Variants in AP2A1 observed in about 807,000 individuals in gnomAD.
The protein encoded by AP2A1 is AP-2 complex subunit alpha-1.
A neutral mutation model predicts 107.3 loss-of-function variants in AP2A1; 21 were observed. The observed-to-expected ratio is 0.20, with a 90% CI of 0.14 to 0.28. AP2A1 has a LOEUF of 0.28. AP2A1 is among the 10% of genes least tolerant of loss of function. AP2A1 has a pLI of 1.00. For missense variants in AP2A1, 873 were observed against 1,307.7 expected (o/e 0.67, Z 5.13); for synonymous variants, 602 against 564.8 (o/e 1.07, Z -0.93).
At chr19:49,781,134 C>G (rs1336948948) in intron 1 of AP2A1, among the ~76,000 whole-genome samples, 1 of 152,074 alleles carries the variant, frequency 6.6e-6, no homozygotes, top group African/African-American at 2.4e-5. Flanking sequence ...TGTGCTTATT[C>G]CACAAGCAGG....
At chr19:49,796,105 C>A in intron 7 of AP2A1, 1 of 250,360 alleles carries the variant, frequency 4.0e-6, no homozygotes, top group Non-Finnish European at 7.9e-6. Context: ...GATTCCAGGC[C>A]GTGCTACCTG....
chr19:49,802,645 G>A (rs1312000220), intron 15 of AP2A1: 2 of 1,494,168 alleles, frequency 1.3e-6, no homozygotes, highest in African/African-American at 1.4e-5. Flanking sequence ...GGGCGGACTC[G>A]GGTGTCCCCA....
intron 6 of AP2A1, 53 bp downstream of exon 6, chr19:49,793,145 C>T (rs2073168045): frequency 1.4e-6 from 2 of 1,468,744 alleles, no homozygotes; most frequent in East Asian, 2.4e-5. Context: ...ATCCCTATGC[C>T]CTCTGACACC....
At chr19:49,800,271 C>G in intron 11 of AP2A1, 121 bp downstream of exon 11, 2 of 1,246,580 alleles carry the variant, frequency 1.6e-6, no homozygotes, top group Admixed American at 4.9e-5. Context: ...ACTGCCGTGA[C>G]CTCAAAATGG....
rs1342532873 is a variant in AP2A1 at position 49,767,193 on chromosome 19, C to G, written c.60C>G (p.Ile20Met). ...MRGLAVFISD[I>M]RNCKSKEAEI... is the part of the protein sequence containing the mutation. ...GGCTCGCGGTGTTCATCTCCGACAT[C>G]CGGAACTGTGAGCGCGCGGCCGGGG... is the stretch of plus-strand genomic sequence containing the variant. The change falls in exon 1 of 23, where the codon ATC becomes ATG. Residue 20 changes from isoleucine to methionine, a missense_variant. Physicochemically the swap from Ile to Met is conservative, Grantham distance 10 (BLOSUM62 1). Around this residue, in one of 4 missense-constraint regions of AP2A1, gnomAD observed 87 missense variants for 178.2 expected, o/e 0.49. Coordinates refer to ENST00000354293, the MANE Select transcript of AP2A1 (RefSeq NM_130787.3). The G allele has an allele frequency of 1.2e-6, 2 of 1,611,888 alleles. No homozygotes were observed. Among genetic ancestry groups the G allele is most frequent in the Non-Finnish European group, 1.7e-6 (2 of 1,179,724 alleles).
chr19:49,782,867 T>A (rs1335597779), intron 4 of AP2A1, 143 bp downstream of exon 4: 13 of 994,758 alleles, frequency 1.3e-5, no homozygotes, highest in African/African-American at 3.3e-5. Flanking sequence ...ACCCAGTGGT[T>A]CCGGTGGCAG....
chr19:49,796,301 A>G (rs1478013354), intron 7 of AP2A1: 1 of 152,476 alleles, frequency 6.6e-6, no homozygotes, highest in African/African-American at 2.4e-5. Flanking sequence ...AGGGAAACTG[A>G]GGCTTGGAGG....
At chr19:49,768,534 C>T (rs1461103565) in intron 1 of AP2A1, among the ~76,000 whole-genome samples, 5 of 152,104 alleles carry the variant, frequency 3.3e-5, no homozygotes, top group African/African-American at 9.7e-5. Flanking sequence ...GTTTTTACTC[C>T]GTTGGCTCTG....
intron 1 of AP2A1, among the ~76,000 whole-genome samples, chr19:49,774,087 G>C (rs1261870882): frequency 1.3e-5 from 2 of 152,210 alleles, no homozygotes; most frequent in Non-Finnish European, 2.9e-5. Flanking sequence ...TGGCCTCTGT[G>C]AAGAGCACAG....
intron 4 of AP2A1, among the ~76,000 whole-genome samples, chr19:49,790,716 T>A (rs2073131388): frequency 6.6e-6 from 1 of 152,214 alleles, no homozygotes; most frequent in African/African-American, 2.4e-5. Context: ...GTGAATATAT[T>A]CCCTTGGATT....
In AP2A1 at chr19:49,801,799, G is replaced by T; in HGVS notation, c.1863G>T (p.Gly621=). ...SILAKLKRKK[G]PGAGSALDDG... Reference sequence around the variant, plus strand: ...TGGCCAAGCTGAAACGCAAGAAGGGGCCAGGGGCCGGCAGCGCCCTGGACG... The same window carrying T: ...TGGCCAAGCTGAAACGCAAGAAGGGTCCAGGGGCCGGCAGCGCCCTGGACG... Residue 621 remains glycine (G), a synonymous_variant, in exon 14 of 23, where the codon GGG becomes GGT. Coordinates refer to ENST00000354293, the MANE Select transcript of AP2A1 (RefSeq NM_130787.3). 6.4e-7 allele frequency: 1 copy of T among 1,560,534 alleles called. No individual in the cohort carries two copies. The highest frequency in any genetic ancestry group is 1.4e-5 in the African/African-American group (1 of 73,814).
intron 15 of AP2A1, 185 bp downstream of exon 15, chr19:49,802,326 C>T (rs1172519873): frequency 2.4e-6 from 2 of 823,452 alleles, no homozygotes; most frequent in Non-Finnish European, 4.0e-6. Flanking sequence ...CGCCCTCCCT[C>T]TGCCACTCTG....
intron 4 of AP2A1, among the ~76,000 whole-genome samples, chr19:49,786,903 C>T (rs2084743873): frequency 6.6e-6 from 1 of 152,184 alleles, no homozygotes; most frequent in South Asian, 2.1e-4. Context: ...GTCAAGGGGC[C>T]AGGGTGGGGC....
intron 17 of AP2A1, 31 bp from the exon 18 acceptor site, chr19:49,803,256 G>T: frequency 1.2e-6 from 2 of 1,613,134 alleles, no homozygotes; most frequent in South Asian, 1.1e-5. Context: ...GAGGGACTCA[G>T]ATGGAGCTCT....
At chr19:49,806,007 A>T in intron 21 of AP2A1, 66 bp downstream of exon 21, 1 of 1,612,366 alleles carries the variant, frequency 6.2e-7, no homozygotes, top group Middle Eastern at 1.7e-4. Context: ...CTGTTTTCCC[A>T]TCTGTAAAGT....
At chr19:49,768,771 G>C (rs543824911) in intron 1 of AP2A1, among the ~76,000 whole-genome samples, 2 of 152,142 alleles carry the variant, frequency 1.3e-5, no homozygotes, top group Admixed American at 1.3e-4. Flanking sequence ...TACCCACCAG[G>C]GATGTGACCC....
At chr19:49,779,509 A>C (rs1435712546) in intron 1 of AP2A1, among the ~76,000 whole-genome samples, 1 of 151,276 alleles carries the variant, frequency 6.6e-6, no homozygotes, top group Non-Finnish European at 1.5e-5. Flanking sequence ...AAAAAAAAAA[A>C]AACAGAAACA....
chr19:49,801,725 A>G lies in AP2A1; in HGVS notation c.1789A>G (p.Thr597Ala). 7.0e-7 allele frequency: 1 copy of G among 1,428,676 alleles called. No homozygotes were observed. The highest frequency in any genetic ancestry group is 1.2e-5 in the South Asian group (1 of 82,432). 88.5% of individuals were successfully genotyped at this position (1,428,676 alleles called of 1,614,324 possible). ...TTCCCCACCCCGACCGCGCCAGGCC[A>G]CGGTGCTGGAGGAGATGCCGCCCTT... ...SSVASTDVLA[T>A]VLEEMPPFPE... Residue 597 changes from threonine to alanine, a missense_variant, in exon 14 of 23, where the codon ACG (threonine) becomes GCG (alanine). Thr to Ala is a moderately conservative substitution (Grantham distance 58). This residue lies in a region of AP2A1 where 213 missense variants were observed against 443.5 expected (regional missense o/e 0.48). Transcript: ENST00000354293.
intron 1 of AP2A1, among the ~76,000 whole-genome samples, chr19:49,781,541 A>G (rs957547143): frequency 6.6e-6 from 1 of 152,096 alleles, no homozygotes; most frequent in African/African-American, 2.4e-5. Context: ...GGACAGCCCA[A>G]GGGTGTGTGC....
Sources: allele counts gnomAD v4.1 joint callset (sites outside exome capture counted in the v4.1 genomes callset), GRCh38; gene constraint gnomAD v4.1.1; regional missense constraint gnomAD v4.1.1; transcripts MANE v1.5; gene names NCBI Gene and HGNC (gene_info 2026-07-23, HGNC 2026-07-21).